Variants in MCF2L2 observed in about 807,000 individuals in gnomAD.
MCF2L2 encodes the protein MCF.2 cell line derived transforming sequence-like 2, also known as probable guanine nucleotide exchange factor MCF2L2.
Under a neutral mutation model 150.2 loss-of-function variants are expected in MCF2L2, and 102 were observed. The observed-to-expected ratio is 0.68, with a 90% CI of 0.58 to 0.80. The LOEUF (loss-of-function observed/expected upper bound fraction) is 0.80. Ranked by LOEUF, MCF2L2 falls within the 30% of genes least tolerant of loss-of-function variation. The probability of loss-of-function intolerance (pLI) is 0.00; values close to 1 mark genes in which losing one functional copy is unlikely to be tolerated. For synonymous variants in MCF2L2, 465 were observed against 491.3 expected (o/e 0.95, Z 0.71); for missense variants, 1,256 against 1,372.8 (o/e 0.91, Z 1.34).
chr3:183,292,004 A>G (rs1728175501), intron 13 of MCF2L2, among the ~76,000 whole-genome samples: 1 of 152,180 alleles, frequency 6.6e-6, no homozygotes, highest in South Asian at 2.1e-4. Context: ...TCTGTTTCCA[A>G]TCATCTAAGA....
chr3:183,216,398 A>AAAC (rs1722913371), intron 21 of MCF2L2, among the ~76,000 whole-genome samples: 1 of 144,150 alleles, frequency 6.9e-6, no homozygotes, highest in East Asian at 2.0e-4. Context: ...TATATAGCTG[A>AAAC]ATTCTATATG....
intron 1 of MCF2L2, among the ~76,000 whole-genome samples, chr3:183,423,826 C>T (rs1392912988): frequency 2.0e-5 from 3 of 151,846 alleles, no homozygotes; most frequent in Non-Finnish European, 2.9e-5. Flanking sequence ...TTAGTAGAGA[C>T]AGGGTTGGTC....
intron 6 of MCF2L2, among the ~76,000 whole-genome samples, chr3:183,320,592 C>T (rs1233091146): frequency 6.6e-6 from 1 of 152,136 alleles, no homozygotes; most frequent in Non-Finnish European, 1.5e-5. Context: ...GAACTAGGGC[C>T]TTGCTCTGGA....
At chr3:183,294,631 A>ATTTT (rs1319367414) in intron 13 of MCF2L2, among the ~76,000 whole-genome samples, 1 of 114,032 alleles carries the variant, frequency 8.8e-6, no homozygotes, top group African/African-American at 3.2e-5. Context: ...ATATATATAT[A>ATTTT]TATTTTTTTT....
intron 1 of MCF2L2, among the ~76,000 whole-genome samples, chr3:183,424,106 G>A (rs1160920878): frequency 2.0e-5 from 3 of 152,104 alleles, no homozygotes; most frequent in Non-Finnish European, 4.4e-5. Context: ...TTCAACAACC[G>A]AAAAGGGATA....
At chr3:183,344,739 A>C (rs1401827275) in intron 3 of MCF2L2, among the ~76,000 whole-genome samples, 1 of 152,182 alleles carries the variant, frequency 6.6e-6, no homozygotes, top group Non-Finnish European at 1.5e-5. Flanking sequence ...AATATTTACC[A>C]CACAAATGGA....
At chr3:183,218,348 G>C (rs1028862302) in intron 21 of MCF2L2, among the ~76,000 whole-genome samples, 4 of 152,192 alleles carry the variant, frequency 2.6e-5, no homozygotes, top group Non-Finnish European at 5.9e-5. Context: ...GGGATTAAGA[G>C]TTCTTGGCAG....
chr3:183,323,160 G>C, intron 6 of MCF2L2, 75 bp downstream of exon 6: 1 of 1,055,834 alleles, frequency 9.5e-7, no homozygotes, highest in Non-Finnish European at 1.4e-6. Context: ...CCTGGCAGTT[G>C]ATCTTTAACT....
intron 15 of MCF2L2, among the ~76,000 whole-genome samples, chr3:183,241,625 G>A (rs540437065): frequency 3.5e-4 from 54 of 152,316 alleles, no homozygotes; most frequent in Non-Finnish European, 6.5e-4. Context: ...GTGGAACTGT[G>A]AGTCCATTAA....
At chr3:183,295,251 G>A (rs1728430026) in intron 13 of MCF2L2, 49 bp downstream of exon 13, 7 of 1,544,904 alleles carry the variant, frequency 4.5e-6, no homozygotes, top group Non-Finnish European at 6.1e-6. Flanking sequence ...TCCTCATGGT[G>A]CTGATGAAAC....
At chr3:183,311,549 G>T in intron 8 of MCF2L2, 99 bp downstream of exon 8, 1 of 1,365,788 alleles carries the variant, frequency 7.3e-7, no homozygotes. Flanking sequence ...GCCCCACCAA[G>T]ACCCAATATT....
At chr3:183,285,994 G>A (rs1577024503) in intron 14 of MCF2L2, among the ~76,000 whole-genome samples, 6 of 152,232 alleles carry the variant, frequency 3.9e-5, no homozygotes, top group Admixed American at 3.3e-4. Context: ...CAAGCACAGC[G>A]AATCGCTTCC....
intron 6 of MCF2L2, 99 bp downstream of exon 6, chr3:183,323,136 T>G (rs73070005): frequency 0.12 from 93,728 of 794,076 alleles, 6,161 homozygotes; most frequent in African/African-American, 0.15. Flanking sequence ...GGTCAGGCAG[T>G]CACAGGGTGA....
At chr3:183,273,966 G>A (rs1441531924) in intron 15 of MCF2L2, among the ~76,000 whole-genome samples, 2 of 152,054 alleles carry the variant, frequency 1.3e-5, no homozygotes, top group Admixed American at 1.3e-4. Context: ...TGTAATCCCA[G>A]CACTTTGGGA....
chr3:183,420,072 C>A (rs1715798770), intron 1 of MCF2L2, among the ~76,000 whole-genome samples: 1 of 152,192 alleles, frequency 6.6e-6, no homozygotes, highest in Non-Finnish European at 1.5e-5. Flanking sequence ...ACCACCTCAG[C>A]CTGGACTTCA....
At chr3:183,396,523 A>G (rs1714475778) in intron 1 of MCF2L2, among the ~76,000 whole-genome samples, 1 of 152,192 alleles carries the variant, frequency 6.6e-6, no homozygotes, top group African/African-American at 2.4e-5. Flanking sequence ...CTTAGATCAC[A>G]TTGACTTTAG....
intron 1 of MCF2L2, among the ~76,000 whole-genome samples, chr3:183,407,878 G>C (rs1029865373): frequency 2.6e-5 from 4 of 152,146 alleles, no homozygotes; most frequent in African/African-American, 4.8e-5. Flanking sequence ...TTCTAGTCTA[G>C]GTCCTGCACC....
chr3:183,379,392 G>A lies in MCF2L2; in HGVS notation c.180C>T (p.Gly60=), dbSNP rs562859999. 29 of 1,609,526 alleles carry A rather than the reference G, an allele frequency of 1.8e-5. No homozygotes were observed. Among genetic ancestry groups the A allele is most frequent in the East Asian group, 6.8e-5 (3 of 44,440 alleles). Residue 60 remains glycine (G), a synonymous_variant, in exon 3 of 30, where the codon GGC becomes GGT. Coordinates refer to ENST00000328913, the MANE Select transcript of MCF2L2 (RefSeq NM_015078.4). ...ACTCTGGGAACGTGATGATGGGGGC[G>A]CCATCCTCCCCTCGGCCTCCTGCAA... The part of the protein sequence containing the change: ...AILSGGRGED[G]APIITFPEFS...
At chr3:183,394,402 G>A (rs940091171) in intron 1 of MCF2L2, among the ~76,000 whole-genome samples, 2 of 152,138 alleles carry the variant, frequency 1.3e-5, no homozygotes, top group African/African-American at 2.4e-5. Context: ...CTTCCAGCCC[G>A]CCCCACCCTC....
Sources: allele counts gnomAD v4.1 joint callset (sites outside exome capture counted in the v4.1 genomes callset), GRCh38; gene constraint gnomAD v4.1.1; transcripts MANE v1.5; gene names NCBI Gene and HGNC (gene_info 2026-07-23, HGNC 2026-07-21).